The following RERE variants were observed in gnomAD, a reference collection of about 807,000 sequenced individuals.
The protein encoded by RERE is arginine-glutamic acid dipeptide repeats protein.
RERE carries 40 observed loss-of-function variants against 146.1 expected under a neutral mutation model. The ratio of observed to expected loss-of-function variants is 0.27; its 90% confidence interval spans 0.21 to 0.36. The LOEUF (loss-of-function observed/expected upper bound fraction) is 0.36. Ranked by LOEUF, RERE falls within the 10% of genes least tolerant of loss-of-function variation. The pLI is 1.00. For synonymous variants in RERE, 1,003 were observed against 866.0 expected (o/e 1.16, Z -2.78); for missense variants, 1,933 against 2,138.7 (o/e 0.90, Z 1.90).
At chr1:8,797,419 C>A (rs1297076339) in intron 1 of RERE, among the ~76,000 whole-genome samples, 2 of 151,652 alleles carry the variant, frequency 1.3e-5, no homozygotes, top group Non-Finnish European at 2.9e-5. Flanking sequence ...GAAAGATACA[C>A]GCCAGATCAT....
At chr1:8,795,293 G>A (rs1482203793) in intron 1 of RERE, among the ~76,000 whole-genome samples, 1 of 151,610 alleles carries the variant, frequency 6.6e-6, no homozygotes, top group Non-Finnish European at 1.5e-5. Context: ...CAAAGTGCTG[G>A]GATTACAGGT....
chr1:8,553,027 T>C (rs1645956291), intron 6 of RERE, among the ~76,000 whole-genome samples: 1 of 150,988 alleles, frequency 6.6e-6, no homozygotes, highest in Admixed American at 6.6e-5. Flanking sequence ...ACTGCACCAC[T>C]AGGCCAGCAT....
chr1:8,754,476 T>A (rs781085473), intron 1 of RERE, among the ~76,000 whole-genome samples: 5 of 152,240 alleles, frequency 3.3e-5, no homozygotes, highest in Non-Finnish European at 5.9e-5. Flanking sequence ...TATTTGTTCT[T>A]GCCTTAGCAC....
rs746470778 is a variant in RERE, at chr1:8,359,871, T to G, written c.3511A>C (p.Lys1171Gln). The G allele has an allele frequency of 1.2e-6, 2 of 1,612,802 alleles. No individual in the cohort carries two copies. The highest frequency in any genetic ancestry group is 2.2e-5 in the South Asian group (2 of 91,090). The change falls in exon 19 of 23, where the codon AAG becomes CAG. Residue 1171 changes from lysine (K) to glutamine (Q), a missense_variant. Transcript: ENST00000400908. ...KKREEAIEKA[K>Q]REAEQKAREE... is the part of the protein sequence containing the mutation. Reference sequence around the variant, plus strand: ...CGGGCTTTCTGCTCAGCCTCGCGCTTGGCCTTCTCAATGGCCTCCTCCCTC... The same window carrying G: ...CGGGCTTTCTGCTCAGCCTCGCGCTGGGCCTTCTCAATGGCCTCCTCCCTC...
At chr1:8,511,843 C>T (rs1431710119) in intron 7 of RERE, 2 of 150,602 alleles carry the variant, frequency 1.3e-5, no homozygotes, top group Non-Finnish European at 3.0e-5. Flanking sequence ...CAGGCAGCCA[C>T]AACACCCCAG....
chr1:8,441,750 C>T (rs904413662), intron 11 of RERE, among the ~76,000 whole-genome samples: 3 of 152,138 alleles, frequency 2.0e-5, no homozygotes, highest in East Asian at 1.9e-4. Flanking sequence ...TGGGCACTTA[C>T]GTGTTTAAAA....
At position 8,469,347 on chromosome 1, in the gene RERE, G is replaced by A. The variant is rs151199526; in HGVS notation, c.1105-3324C>T. Among the ~76,000 whole-genome samples the A allele has an allele frequency of 8.5e-3, 1,300 of 152,230 alleles. 20 individuals are homozygous for A. Among genetic ancestry groups the A allele is most frequent in the African/African-American group, 0.029 (1,222 of 41,528 alleles). On this transcript the variant is annotated intron_variant, in intron 10 of 22. Coordinates refer to ENST00000400908, the MANE Select transcript of RERE (RefSeq NM_001042681.2). The stretch of plus-strand genomic sequence containing the variant: ...GAATTTCAAAATCTTGGCTGGGCGC[G>A]GTGGCTCACGCCTGTAATCCCAGCA...
chr1:8,624,948 A>C (rs1367273249), intron 2 of RERE, among the ~76,000 whole-genome samples: 1 of 152,222 alleles, frequency 6.6e-6, no homozygotes, highest in Non-Finnish European at 1.5e-5. Context: ...TGTACCCTAA[A>C]CACATTTTAT....
chr1:8,497,666 A>C, intron 8 of RERE, 137 bp from the exon 9 acceptor site: 1 of 870,560 alleles, frequency 1.1e-6, no homozygotes, highest in Non-Finnish European at 1.8e-6. Context: ...TAACAACAAA[A>C]CCATGAGTCA....
intron 4 of RERE, among the ~76,000 whole-genome samples, chr1:8,582,823 C>G (rs1023593517): frequency 1.3e-5 from 2 of 152,132 alleles, no homozygotes; most frequent in African/African-American, 4.8e-5. Context: ...ATATTCTCAC[C>G]ATCAAAGGTG....
chr1:8,475,114 C>T (rs1644735930), intron 10 of RERE, among the ~76,000 whole-genome samples: 1 of 152,198 alleles, frequency 6.6e-6, no homozygotes, highest in Non-Finnish European at 1.5e-5. Flanking sequence ...TGGCTTACAC[C>T]TGTAATCCCA....
At position 8,358,379 on chromosome 1, in the gene RERE, G is replaced by A; in HGVS notation, c.4156C>T (p.Leu1386=). ...TCAGGGTAGCTCATCTCGGGCCGCAGCTGGGGGCCCGCCAGGGCCAGTCTC... is the reference window on the plus strand; with the variant it reads ...TCAGGGTAGCTCATCTCGGGCCGCAACTGGGGGCCCGCCAGGGCCAGTCTC... The part of the protein sequence containing the change: ...RERLALAGPQ[L]RPEMSYPDRL... The change falls in exon 20 of 23, where the codon CTG becomes TTG. Residue 1386 remains leucine (L), a synonymous_variant. Transcript: ENST00000400908. 6.2e-7 allele frequency: 1 copy of A among 1,608,936 alleles called. No individual in the cohort carries two copies.
At chr1:8,448,941 A>T (rs1163304575) in intron 11 of RERE, among the ~76,000 whole-genome samples, 1 of 152,156 alleles carries the variant, frequency 6.6e-6, no homozygotes, top group Admixed American at 6.5e-5. Context: ...ACACGATGTC[A>T]GCACCACTCA....
At chr1:8,541,497 T>A (rs1308052282) in intron 6 of RERE, among the ~76,000 whole-genome samples, 179 bp from the exon 7 acceptor site, 2 of 152,240 alleles carry the variant, frequency 1.3e-5, no homozygotes, top group African/African-American at 2.4e-5. Context: ...TGTACACCTG[T>A]GTAATCTGAC....
At chr1:8,397,808 TTC>T (rs1643106568) in intron 12 of RERE, among the ~76,000 whole-genome samples, 1 of 152,224 alleles carries the variant, frequency 6.6e-6, no homozygotes, top group African/African-American at 2.4e-5. Context: ...TATTTGTACT[TTC>T]TGATTTCAGG....
chr1:8,395,932 C>CTAT (rs925200406), intron 12 of RERE, among the ~76,000 whole-genome samples: 1 of 152,122 alleles, frequency 6.6e-6, no homozygotes, highest in Non-Finnish European at 1.5e-5. Flanking sequence ...AGGACCAATT[C>CTAT]TATTATTATT....
At position 8,711,583 on chromosome 1, in the gene RERE, C is replaced by T. The variant is rs1228476383; in HGVS notation, c.-144-55142G>A. Among the ~76,000 whole-genome samples the T allele has an allele frequency of 9.9e-5, 15 of 152,280 alleles. No homozygotes were observed. The South Asian group carries it at 1.5e-3, about 15-fold the overall frequency. ...AGCAGGGTTAAGAAGAGAAATTTCT[C>T]GTTTGGAAAAGGGTTTTACAGATTT... On this transcript the variant is annotated intron_variant, in intron 1 of 22. Transcript: ENST00000400908.
chr1:8,667,397 AGGTGT>A (rs1311572805), intron 1 of RERE, among the ~76,000 whole-genome samples: 1 of 152,232 alleles, frequency 6.6e-6, no homozygotes, highest in Non-Finnish European at 1.5e-5. Flanking sequence ...AAACTCGGCT[AGGTGT>A]GGTGGCTCAT....
At chr1:8,638,276 T>TA (rs1647126990) in intron 2 of RERE, among the ~76,000 whole-genome samples, 2 of 152,242 alleles carry the variant, frequency 1.3e-5, no homozygotes, top group African/African-American at 4.8e-5. Flanking sequence ...TATTTTGAGA[T>TA]GTTTTTTCCA....
Sources: gnomAD v4.1 joint callset for allele counts (sites outside exome capture counted in the v4.1 genomes callset) on GRCh38, gnomAD v4.1.1 for gene constraint, MANE v1.5 for transcripts, NCBI Gene and HGNC (gene_info 2026-07-23, HGNC 2026-07-21) for gene names.